CDH2: variants seen among roughly 807,000 people sequenced by gnomAD.
The protein encoded by CDH2 is cadherin 2, also known as cadherin-2.
A neutral mutation model predicts 92.0 loss-of-function variants in CDH2; 17 were observed. The ratio of observed to expected loss-of-function variants is 0.18; its 90% CI spans 0.13 to 0.28. The LOEUF is 0.28. CDH2 is among the 10% of genes least tolerant of loss of function. CDH2 has a pLI of 1.00. For synonymous variants in CDH2, 419 were observed against 415.9 expected, an observed-to-expected ratio of 1.01 and a Z score of -0.09; for missense variants, 862 against 1,133.1, an observed-to-expected ratio of 0.76 and a Z score of 3.44.
At chr18:28,135,049 G>A (rs1470649441) in intron 2 of CDH2, among the ~76,000 whole-genome samples, 4 of 152,158 alleles carry the variant, frequency 2.6e-5, no homozygotes, top group Admixed American at 6.5e-5. Context: ...GTACAGATAC[G>A]TATTCATCTC....
At chr18:27,941,272 T>C (rs1250866294) in intron 6 of CDH2, among the ~76,000 whole-genome samples, 1 of 152,126 alleles carries the variant, frequency 6.6e-6, no homozygotes, top group African/African-American at 2.4e-5. Context: ...CCTGACCTCG[T>C]GATCCGCCCG....
chr18:27,936,211 C>T (rs532108381), intron 6 of CDH2, among the ~76,000 whole-genome samples: 1 of 152,318 alleles, frequency 6.6e-6, no homozygotes, highest in African/African-American at 2.4e-5. Flanking sequence ...TTACATTCTA[C>T]AAAGGTCTTT....
chr18:27,959,073 T>C (rs2011330789), intron 15 of CDH2, among the ~76,000 whole-genome samples: 1 of 152,198 alleles, frequency 6.6e-6, no homozygotes, highest in African/African-American at 2.4e-5. Context: ...GTTTATTTCT[T>C]TTTACAAAGA....
chr18:27,982,371 G>T (rs187703026), intron 14 of CDH2, among the ~76,000 whole-genome samples: 1 of 152,198 alleles, frequency 6.6e-6, no homozygotes, highest in Admixed American at 6.5e-5. Context: ...GACATCTATT[G>T]AATAACCACC....
intron 2 of CDH2, among the ~76,000 whole-genome samples, chr18:28,058,434 T>C (rs138460883): frequency 6.6e-6 from 1 of 152,294 alleles, no homozygotes; most frequent in East Asian, 1.9e-4. Context: ...GGTTCAAGGT[T>C]AAAATGGCCC....
At chr18:28,128,635 G>A (rs532268492) in intron 2 of CDH2, among the ~76,000 whole-genome samples, 14 of 151,752 alleles carry the variant, frequency 9.2e-5, no homozygotes, top group African/African-American at 3.1e-4. Flanking sequence ...GCAGACAGCC[G>A]TGATCATGCC....
intron 2 of CDH2, among the ~76,000 whole-genome samples, chr18:28,108,912 A>G (rs929594409): frequency 6.6e-6 from 1 of 152,182 alleles, no homozygotes; most frequent in African/African-American, 2.4e-5. Context: ...CTGGCAAATC[A>G]TGAAAGGCAG....
At chr18:28,047,476 A>G (rs1459439951) in intron 2 of CDH2, among the ~76,000 whole-genome samples, 1 of 152,214 alleles carries the variant, frequency 6.6e-6, no homozygotes, top group Non-Finnish European at 1.5e-5. Flanking sequence ...ATTTCACTTC[A>G]GTAGGTATCA....
intron 2 of CDH2, among the ~76,000 whole-genome samples, chr18:28,100,651 C>T (rs1253740550): frequency 1.3e-5 from 2 of 152,216 alleles, no homozygotes; most frequent in African/African-American, 4.8e-5. Flanking sequence ...GTGTATGGCA[C>T]AGTTTACCTG....
chr18:27,944,589 TCTC>T (rs933319128), intron 6 of CDH2, among the ~76,000 whole-genome samples: 6 of 152,030 alleles, frequency 3.9e-5, no homozygotes, highest in African/African-American at 1.2e-4. Flanking sequence ...CTTCACCTCT[TCTC>T]CTCCTTCTGC....
At chr18:28,043,561 A>G (rs1328767054) in intron 2 of CDH2, among the ~76,000 whole-genome samples, 5 of 142,844 alleles carry the variant, frequency 3.5e-5, no homozygotes, top group Admixed American at 1.4e-4. Context: ...ATGAGCTTTA[A>G]GGACACTTAA....
At chr18:27,956,552 A>G (rs748719155) in intron 15 of CDH2, among the ~76,000 whole-genome samples, 4 of 152,148 alleles carry the variant, frequency 2.6e-5, no homozygotes, top group African/African-American at 9.7e-5. Flanking sequence ...GCTTTAGTGG[A>G]GGTCATCATT....
At chr18:28,174,097 A>C (rs1200541617) in intron 1 of CDH2, among the ~76,000 whole-genome samples, 1 of 152,218 alleles carries the variant, frequency 6.6e-6, no homozygotes, top group African/African-American at 2.4e-5. Flanking sequence ...AATAAGGTAC[A>C]CAGACACTTC....
chr18:28,000,028 C>T (rs2144000434), intron 7 of CDH2, among the ~76,000 whole-genome samples: 1 of 152,192 alleles, frequency 6.6e-6, no homozygotes, highest in East Asian at 1.9e-4. Flanking sequence ...TGAGGCCTCC[C>T]CAGCCATGCG....
Position 28,176,275 on chromosome 18 carries a change from A to C in CDH2, c.60+688T>G, listed in dbSNP as rs778341872. 2.9e-4 allele frequency among the ~76,000 whole-genome samples: 44 copies of C among 152,182 alleles called. 1 individual carries two copies. The highest frequency in any genetic ancestry group is 5.3e-4 in the Non-Finnish European group (36 of 68,030). ...ACGGAACTTCTCGCCCGGGGGAGAT[A>C]CTAGGCGTGAGAGGCCAGACTCGTT... is the stretch of plus-strand genomic sequence containing the variant. On this transcript the variant is annotated intron_variant, in intron 1 of 15. Coordinates refer to ENST00000269141, the MANE Select transcript of CDH2 (RefSeq NM_001792.5).
chr18:28,019,949 G>A (rs764715982), intron 2 of CDH2, among the ~76,000 whole-genome samples: 10 of 152,100 alleles, frequency 6.6e-5, no homozygotes, highest in Non-Finnish European at 1.0e-4. Flanking sequence ...TGATCCTGTG[G>A]TTTTGGAGCA....
intron 6 of CDH2, among the ~76,000 whole-genome samples, chr18:27,942,737 T>G (rs1259475768): frequency 1.3e-5 from 2 of 152,194 alleles, no homozygotes; most frequent in Non-Finnish European, 2.9e-5. Flanking sequence ...TTACTTTGAT[T>G]TCCAAAATTG....
chr18:28,092,370 A>G (rs2015051933), intron 2 of CDH2, among the ~76,000 whole-genome samples: 1 of 152,184 alleles, frequency 6.6e-6, no homozygotes, highest in Non-Finnish European at 1.5e-5. Flanking sequence ...ACCTTCATGT[A>G]TAAATATAAA....
chr18:27,935,542 A>G (rs571258151), intron 6 of CDH2, among the ~76,000 whole-genome samples: 3 of 152,296 alleles, frequency 2.0e-5, no homozygotes, highest in African/African-American at 4.8e-5. Context: ...GAGCCAAACC[A>G]TATCACCATG....
Sources: gnomAD v4.1 joint callset for allele counts (sites outside exome capture counted in the v4.1 genomes callset) on GRCh38, gnomAD v4.1.1 for gene constraint, MANE v1.5 for transcripts, NCBI Gene and HGNC (gene_info 2026-07-23, HGNC 2026-07-21) for gene names.